The following CACNG3 variants were observed in gnomAD, a reference collection of about 807,000 sequenced individuals.
The protein encoded by CACNG3 is voltage-dependent calcium channel gamma-3 subunit.
CACNG3 carries 3 observed loss-of-function variants against 28.5 expected under a neutral mutation model. The ratio of observed to expected loss-of-function variants is 0.11; its 90% CI spans 0.05 to 0.27. The LOEUF is 0.27. Among genes scored for constraint, CACNG3 ranks in the 10% least tolerant of loss-of-function variants. The probability of loss-of-function intolerance (pLI) is 1.00; values close to 1 mark genes in which losing one functional copy is unlikely to be tolerated. For synonymous variants in CACNG3, 174 were observed against 162.2 expected, an observed-to-expected ratio of 1.07 and a Z score of -0.55; for missense variants, 236 against 414.4, an observed-to-expected ratio of 0.57 and a Z score of 3.74.
At chr16:24,355,686 C>T (rs565987971) in intron 3 of CACNG3, among the ~76,000 whole-genome samples, 13 of 152,184 alleles carry the variant, frequency 8.5e-5, no homozygotes, top group African/African-American at 2.9e-4. Context: ...TATTTGACAG[C>T]TACTTATTGT....
At chr16:24,328,494 G>A (rs1899588024) in intron 1 of CACNG3, among the ~76,000 whole-genome samples, 1 of 151,034 alleles carries the variant, frequency 6.6e-6, no homozygotes, top group Admixed American at 6.6e-5. Flanking sequence ...TGATGTTCAG[G>A]GCACAGTTAT....
chr16:24,361,752 C>A lies in CACNG3; in HGVS notation c.837C>A (p.Leu279=). ...CCTCAAAGATCACCATGGGGACCCTCCTCAACTCCGACCGGGACCACGCTT... is the reference window on the plus strand; with the variant it reads ...CCTCAAAGATCACCATGGGGACCCTACTCAACTCCGACCGGGACCACGCTT... The part of the protein sequence containing the change: ...RDPSKITMGT[L]LNSDRDHAFL... The change falls in exon 4 of 4, where the codon CTC becomes CTA. Residue 279 remains leucine (L), a synonymous_variant. Transcript: ENST00000005284. The surrounding 1 kb of genome is among the most constrained non-coding windows in gnomAD (Gnocchi z 6.8). 1 of 1,614,104 alleles carries A rather than the reference C, an allele frequency of 6.2e-7. No homozygotes were observed.
intron 1 of CACNG3, among the ~76,000 whole-genome samples, chr16:24,318,399 C>T (rs889070239): frequency 3.9e-5 from 6 of 152,268 alleles, no homozygotes; most frequent in African/African-American, 1.4e-4. Context: ...ACCATGCTGG[C>T]CAGGCTGGTC....
At chr16:24,342,016 C>T (rs762015310) in intron 1 of CACNG3, among the ~76,000 whole-genome samples, 1 of 152,190 alleles carries the variant, frequency 6.6e-6, no homozygotes, top group Non-Finnish European at 1.5e-5. Flanking sequence ...GCCTGTCATC[C>T]CAGCGCTTTG....
chr16:24,297,639 A>G (rs1899050218), intron 1 of CACNG3, among the ~76,000 whole-genome samples: 1 of 152,208 alleles, frequency 6.6e-6, no homozygotes, highest in African/African-American at 2.4e-5. Context: ...CTTCTGAGCT[A>G]GAATTTAGGC....
chr16:24,293,314 C>T (rs760029718), intron 1 of CACNG3, among the ~76,000 whole-genome samples: 3 of 152,134 alleles, frequency 2.0e-5, no homozygotes. Flanking sequence ...GAGGATGGGT[C>T]TAGATGACCT....
At chr16:24,344,134 T>C (rs988878939) in intron 1 of CACNG3, among the ~76,000 whole-genome samples, 1 of 151,586 alleles carries the variant, frequency 6.6e-6, no homozygotes, top group African/African-American at 2.4e-5. Flanking sequence ...CTAAAGAGGA[T>C]AAAACACGTA....
chr16:24,263,380 T>C (rs1898560224), intron 1 of CACNG3, among the ~76,000 whole-genome samples: 1 of 152,228 alleles, frequency 6.6e-6, no homozygotes, highest in South Asian at 2.1e-4. Flanking sequence ...TTAGGAGAAT[T>C]ATGTTTTTAA....
rs566047320 is a variant in CACNG3, at chr16:24,266,553, G to A, written c.211+9588G>A. ...CACAAGGAAGAAAAAGAGGGAAAAC[G>A]ATACCCTAAGTAGCACTAACATTGA... is the stretch of plus-strand genomic sequence containing the variant. On this transcript the variant is annotated intron_variant, in intron 1 of 3. Coordinates refer to ENST00000005284, the MANE Select transcript of CACNG3 (RefSeq NM_006539.4). Among the ~76,000 whole-genome samples the A allele has an allele frequency of 5.3e-5, 8 of 152,284 alleles. 1 individual carries two copies. In the South Asian group the frequency reaches 1.2e-3, roughly 24 times the overall value.
chr16:24,277,547 C>T (rs112093504), intron 1 of CACNG3, among the ~76,000 whole-genome samples: 2,012 of 152,092 alleles, frequency 0.013, 36 homozygotes, highest in African/African-American at 0.046. Context: ...GGCCGAGGTG[C>T]GCGGATCACT....
At chr16:24,359,159 A>T (rs1364502304) in intron 3 of CACNG3, among the ~76,000 whole-genome samples, 1 of 152,098 alleles carries the variant, frequency 6.6e-6, no homozygotes, top group Non-Finnish European at 1.5e-5. Flanking sequence ...GAGAAAAAAC[A>T]TGGCCCGGGG....
At chr16:24,356,217 CTT>C (rs1900029038) in intron 3 of CACNG3, among the ~76,000 whole-genome samples, 1 of 152,118 alleles carries the variant, frequency 6.6e-6, no homozygotes, top group South Asian at 2.1e-4. Context: ...CTGGTGATGA[CTT>C]TCAAACTTTG....
intron 1 of CACNG3, among the ~76,000 whole-genome samples, chr16:24,345,154 G>A (rs1899843640): frequency 6.6e-6 from 1 of 152,128 alleles, no homozygotes; most frequent in African/African-American, 2.4e-5. Flanking sequence ...TTCATGTATA[G>A]CTTTATTTCA....
At chr16:24,337,998 C>A (rs140459308) in intron 1 of CACNG3, among the ~76,000 whole-genome samples, 1,549 of 152,098 alleles carry the variant, frequency 0.01, 26 homozygotes, top group African/African-American at 0.036. Flanking sequence ...GCTGGAAGGG[C>A]AGCTGATGGA....
rs571955474 is a variant in CACNG3 at position 24,285,026 on chromosome 16, A to G, written c.211+28061A>G. Reference sequence around the variant, plus strand: ...TGGGATTCCCATCAAAAAAAAAAAAAAAAGAAAGACACTCAGAGTGTGACC... The same window carrying G: ...TGGGATTCCCATCAAAAAAAAAAAAGAAAGAAAGACACTCAGAGTGTGACC... On this transcript the variant is annotated intron_variant, in intron 1 of 3. Coordinates refer to ENST00000005284, the MANE Select transcript of CACNG3 (RefSeq NM_006539.4). Among the ~76,000 whole-genome samples the G allele has an allele frequency of 2.0e-5, 3 of 152,188 alleles. No individual in the cohort carries two copies. The South Asian group carries it at 6.2e-4, about 32-fold the overall frequency.
At chr16:24,327,562 G>A (rs943874821) in intron 1 of CACNG3, among the ~76,000 whole-genome samples, 12 of 150,366 alleles carry the variant, frequency 8.0e-5, no homozygotes, top group East Asian at 2.0e-4. Flanking sequence ...AAAGGATGCA[G>A]TGAGCTATGA....
chr16:24,286,872 G>A (rs1003654453), intron 1 of CACNG3, among the ~76,000 whole-genome samples: 5 of 152,236 alleles, frequency 3.3e-5, no homozygotes, highest in South Asian at 2.1e-4. Flanking sequence ...CAAGGATACC[G>A]TCACTGAGAC....
intron 1 of CACNG3, among the ~76,000 whole-genome samples, chr16:24,320,488 C>A (rs1899441134): frequency 1.3e-5 from 2 of 152,024 alleles, no homozygotes; most frequent in Non-Finnish European, 1.5e-5. Context: ...TTTTTCAGAG[C>A]TTTTTGGATT....
At chr16:24,346,956 A>G (rs1899878104) in intron 2 of CACNG3, 139 bp downstream of exon 2, 2 of 647,996 alleles carry the variant, frequency 3.1e-6, no homozygotes, top group Admixed American at 2.7e-5. Context: ...GTGCCAGTAC[A>G]CAGAGACACT....
Sources: allele counts gnomAD v4.1 joint callset (sites outside exome capture counted in the v4.1 genomes callset), GRCh38; gene constraint gnomAD v4.1.1; non-coding constraint Gnocchi (gnomAD v3.1); transcripts MANE v1.5; gene names NCBI Gene and HGNC (gene_info 2026-07-23, HGNC 2026-07-21).